Variants in FANCB observed in about 807,000 individuals in gnomAD.
FANCB encodes the protein FA complementation group B.
A neutral mutation model predicts 38.9 loss-of-function variants in FANCB; 5 were observed. That is an observed-to-expected ratio of 0.13 (90% CI 0.07 to 0.27). The LOEUF is 0.27. Among genes scored for constraint, FANCB ranks in the 10% least tolerant of loss-of-function variants. FANCB has a pLI of 1.00. For missense variants in FANCB, 573 were observed against 602.7 expected, an observed-to-expected ratio of 0.95 and a Z score of 0.52; for synonymous variants, 236 against 215.4, an observed-to-expected ratio of 1.10 and a Z score of -0.84.
intron 5 of FANCB, among the ~76,000 whole-genome samples, chrX:14,856,154 C>T (rs2092422328): frequency 8.9e-6 from 1 of 111,891 alleles, no homozygotes; most frequent in Admixed American, 9.5e-5. Flanking sequence ...TCACAATTTA[C>T]TTATCATACT....
At chrX:14,718,387 TA>T in the FANCB span, among the ~76,000 whole-genome samples, 1 of 112,392 alleles carries the variant, frequency 8.9e-6, no homozygotes, top group Non-Finnish European at 1.9e-5. Context: ...ATTCTAGGTT[TA>T]GATAACTAGC....
chrX:14,839,570 T>C (rs914898091), downstream of FANCB, among the ~76,000 whole-genome samples: 1 of 110,993 alleles, frequency 9.0e-6, no homozygotes, highest in Non-Finnish European at 1.9e-5. Flanking sequence ...AATTAAAGCA[T>C]CTATTTTCAG....
the FANCB span, among the ~76,000 whole-genome samples, chrX:14,810,683 C>CGT: frequency 9.0e-6 from 1 of 110,904 alleles, no homozygotes; most frequent in Non-Finnish European, 1.9e-5. Context: ...ACCAAATCTA[C>CGT]GTCTGATTGG....
At chrX:14,707,967 CT>C in the FANCB span, among the ~76,000 whole-genome samples, 2 of 110,501 alleles carry the variant, frequency 1.8e-5, no homozygotes, top group South Asian at 3.9e-4. Flanking sequence ...TTACCAGTTT[CT>C]TTTTTTTCCT....
chrX:14,730,489 T>G, the FANCB span: 1 of 1,185,791 alleles, frequency 8.4e-7, no homozygotes, highest in East Asian at 3.0e-5. Context: ...GAAATAGATG[T>G]GCCCTACAGA....
At chrX:14,832,354 A>T (rs992690745), downstream of FANCB, among the ~76,000 whole-genome samples, 1 of 111,311 alleles carries the variant, frequency 9.0e-6, no homozygotes, top group African/African-American at 3.3e-5. Flanking sequence ...TCTTAAAAGG[A>T]CACCGTGAGT....
chrX:14,702,671 G>A, the FANCB span, among the ~76,000 whole-genome samples: 1 of 111,330 alleles, frequency 9.0e-6, no homozygotes, highest in East Asian at 2.8e-4. Flanking sequence ...TCCAAAATGG[G>A]CCTCACTAGG....
the FANCB span, among the ~76,000 whole-genome samples, chrX:14,734,853 G>A: frequency 9.1e-6 from 1 of 109,809 alleles, no homozygotes; most frequent in Non-Finnish European, 1.9e-5. Context: ...ATCAATTTCA[G>A]GTACACCAAT....
At chrX:14,705,310 G>A in the FANCB span, among the ~76,000 whole-genome samples, 1 of 111,622 alleles carries the variant, frequency 9.0e-6, no homozygotes, top group African/African-American at 3.3e-5. Context: ...TCTCAGCCAG[G>A]AGCTATTTTT....
At chrX:14,734,641 T>C in the FANCB span, among the ~76,000 whole-genome samples, 1 of 112,127 alleles carries the variant, frequency 8.9e-6, no homozygotes, top group Admixed American at 9.5e-5. Flanking sequence ...CCTTTCTCTC[T>C]GGCTGCCCTT....
chrX:14,807,841 C>G, the FANCB span, among the ~76,000 whole-genome samples: 1 of 111,247 alleles, frequency 9.0e-6, no homozygotes, highest in Non-Finnish European at 1.9e-5. Context: ...AAAAAAGAGA[C>G]AACATACAAA....
the FANCB span, among the ~76,000 whole-genome samples, chrX:14,704,820 A>AT: frequency 8.9e-6 from 1 of 112,187 alleles, no homozygotes; most frequent in African/African-American, 3.2e-5. Flanking sequence ...TAAGGGGCAG[A>AT]TAAAAAAAAC....
the FANCB span, among the ~76,000 whole-genome samples, chrX:14,783,326 A>G: frequency 8.9e-6 from 1 of 111,766 alleles, no homozygotes; most frequent in African/African-American, 3.3e-5. Flanking sequence ...AAAGAGTACA[A>G]TCCCAGCAGT....
intron 7 of FANCB, among the ~76,000 whole-genome samples, chrX:14,848,268 T>C (rs952075692): frequency 8.0e-5 from 9 of 112,247 alleles, no homozygotes; most frequent in Non-Finnish European, 1.7e-4. Context: ...CAGCGCGTGA[T>C]GTGCTTCCCC....
the FANCB span, among the ~76,000 whole-genome samples, chrX:14,787,610 A>G: frequency 9.1e-6 from 1 of 109,929 alleles, no homozygotes; most frequent in Non-Finnish European, 1.9e-5. Context: ...TAATCTTTCT[A>G]TAACGTATAA....
At chrX:14,831,282 G>A (rs138271822), downstream of FANCB, among the ~76,000 whole-genome samples, 582 of 112,566 alleles carry the variant, frequency 5.2e-3, 6 homozygotes, top group African/African-American at 0.017. Flanking sequence ...AATGGGCTCC[G>A]CCTAAAAGGA....
At chrX:14,863,017 T>C (rs1204803492) in intron 3 of FANCB, among the ~76,000 whole-genome samples, 2 of 112,460 alleles carry the variant, frequency 1.8e-5, no homozygotes, top group African/African-American at 3.2e-5. Flanking sequence ...TTTTAAAAGA[T>C]TGCTTTCAAG....
At chrX:14,793,901 G>A in the FANCB span, among the ~76,000 whole-genome samples, 14 of 111,766 alleles carry the variant, frequency 1.3e-4, no homozygotes, top group Admixed American at 9.6e-4. Context: ...GGAATGGGAA[G>A]TATGGAAGGG....
the FANCB span, among the ~76,000 whole-genome samples, chrX:14,819,642 T>C: frequency 3.6e-5 from 4 of 112,046 alleles, no homozygotes; most frequent in Non-Finnish European, 3.8e-5. Flanking sequence ...ACATATTTTA[T>C]AGGAAAAAGT....
Sources: allele counts gnomAD v4.1 joint callset (sites outside exome capture counted in the v4.1 genomes callset), GRCh38; gene constraint gnomAD v4.1.1; transcripts MANE v1.5; gene names NCBI Gene and HGNC (gene_info 2026-07-23, HGNC 2026-07-21).